The following PDZD8 variants were observed in gnomAD, a reference collection of about 807,000 sequenced individuals.
PDZD8 encodes the protein PDZ domain containing 8.
In PDZD8, 14 loss-of-function variants were observed where a neutral mutation model predicts 85.8. The observed-to-expected ratio is 0.16, with a 90% CI of 0.11 to 0.26. The LOEUF is 0.26. Among genes scored for constraint, PDZD8 ranks in the 10% least tolerant of loss-of-function variants. PDZD8 has a pLI of 1.00. For missense variants in PDZD8, 1,197 were observed against 1,424.3 expected (o/e 0.84, Z 2.57); for synonymous variants, 592 against 568.6 (o/e 1.04, Z -0.59).
chr10:117,313,744 CAACT>C (rs1359668435), intron 3 of PDZD8, among the ~76,000 whole-genome samples: 1 of 110,852 alleles, frequency 9.0e-6, no homozygotes, highest in Non-Finnish European at 2.0e-5. Context: ...TTTTTTCTCC[CAACT>C]GATTACTTTT....
In PDZD8 at chr10:117,279,690, T is replaced by C. The variant is rs1844550858; in HGVS notation, c.*3578A>G. The C allele has an allele frequency of 6.6e-6, 1 of 152,218 alleles. No individual in the cohort carries two copies. Among genetic ancestry groups the C allele is most frequent in the Non-Finnish European group, 1.5e-5 (1 of 68,040 alleles). 9.4% of individuals were successfully genotyped at this position (152,218 alleles called of 1,614,324 possible). ...CCATCTATAAACATTGTTGTCCTGA[T>C]GGTTGTCAACAAATAACCATATCTG... On this transcript the variant is annotated 3_prime_UTR_variant, in exon 5 of 5. Transcript: ENST00000334464.
chr10:117,331,003 G>A (rs569483826), intron 2 of PDZD8, among the ~76,000 whole-genome samples: 1 of 152,156 alleles, frequency 6.6e-6, no homozygotes, highest in African/African-American at 2.4e-5. Context: ...CTTTTTCCTT[G>A]CACTAAGTTT....
intron 3 of PDZD8, among the ~76,000 whole-genome samples, chr10:117,305,336 C>CG (rs1843916816): frequency 6.6e-6 from 1 of 151,874 alleles, no homozygotes; most frequent in Admixed American, 6.6e-5. Context: ...TGCTTGAATC[C>CG]GGGAGGCAAG....
At chr10:117,322,684 A>G (rs552954848) in intron 2 of PDZD8, among the ~76,000 whole-genome samples, 138 of 151,934 alleles carry the variant, frequency 9.1e-4, no homozygotes, top group African/African-American at 3.3e-3. Context: ...TGGGAAAATC[A>G]TTGGCTAGGT....
intron 1 of PDZD8, among the ~76,000 whole-genome samples, chr10:117,370,038 C>T (rs7907243): frequency 0.018 from 2,755 of 152,030 alleles, 97 homozygotes; most frequent in African/African-American, 0.064. Flanking sequence ...GAATTATCCA[C>T]GTAGTAAAAG....
At chr10:117,338,037 T>C (rs1844547488) in intron 2 of PDZD8, among the ~76,000 whole-genome samples, 1 of 152,160 alleles carries the variant, frequency 6.6e-6, no homozygotes, top group Non-Finnish European at 1.5e-5. Context: ...AGATTAACTA[T>C]TGAAATAAAA....
chr10:117,374,303 C>T lies in PDZD8; in HGVS notation c.872+53G>A, dbSNP rs1845247741. The T allele has an allele frequency of 1.3e-5, 20 of 1,590,962 alleles. No individual in the cohort carries two copies. The South Asian group carries it at 1.7e-4, about 14-fold the overall frequency. ...GCCCTTCCCAATCCACGCAGCGTCC[C>T]GCCCAGGCCCGGGTTCCCGGCAGCC... On this transcript the variant is annotated intron_variant, in intron 1 of 4. Transcript: ENST00000334464. The surrounding 1 kb of genome is among the most constrained non-coding windows in gnomAD (Gnocchi z 7.8).
intron 1 of PDZD8, among the ~76,000 whole-genome samples, chr10:117,350,752 A>G (rs1589585746): frequency 1.3e-5 from 2 of 151,890 alleles, no homozygotes; most frequent in South Asian, 2.1e-4. Flanking sequence ...AAATACAAAA[A>G]AATTAGCTGG....
chr10:117,320,767 G>A (rs2100101120), intron 2 of PDZD8, among the ~76,000 whole-genome samples: 1 of 152,056 alleles, frequency 6.6e-6, no homozygotes, highest in Non-Finnish European at 1.5e-5. Flanking sequence ...ACAAGTATTT[G>A]ATAAGGGCCT....
Position 117,322,812 on chromosome 10 carries a change from C to T in PDZD8, c.996-3838G>A, listed in dbSNP as rs1844248659. Among the ~76,000 whole-genome samples the T allele has an allele frequency of 2.0e-5, 3 of 152,078 alleles. No homozygotes were observed. In the South Asian group the frequency reaches 6.2e-4, roughly 32 times the overall value. ...ATAAGACTACCATGAGAAGATAAGC[C>T]TGGTCAGGGAATGGGTCAGTTAACA... On this transcript the variant is annotated intron_variant, in intron 2 of 4. Coordinates refer to ENST00000334464, the MANE Select transcript of PDZD8 (RefSeq NM_173791.5).
chr10:117,338,582 G>A (rs919093082), intron 2 of PDZD8, among the ~76,000 whole-genome samples: 1 of 152,074 alleles, frequency 6.6e-6, no homozygotes, highest in African/African-American at 2.4e-5. Context: ...CTTGACCCCT[G>A]TCCATCATCA....
At chr10:117,291,858 A>T (rs1386092628) in intron 3 of PDZD8, among the ~76,000 whole-genome samples, 1 of 8,662 alleles carries the variant, frequency 1.2e-4, no homozygotes, top group African/African-American at 2.3e-4. Context: ...CAACTGATTT[A>T]AAAAAAAAAA....
At chr10:117,367,202 G>A (rs928251689) in intron 1 of PDZD8, among the ~76,000 whole-genome samples, 5 of 152,164 alleles carry the variant, frequency 3.3e-5, no homozygotes, top group African/African-American at 9.7e-5. Flanking sequence ...CTAGAATCCA[G>A]GAGTTGGAGA....
At chr10:117,334,861 C>G (rs1296761476) in intron 2 of PDZD8, among the ~76,000 whole-genome samples, 1 of 151,326 alleles carries the variant, frequency 6.6e-6, no homozygotes, top group Non-Finnish European at 1.5e-5. Flanking sequence ...AAGAAACAAA[C>G]AAATAAACAA....
At chr10:117,324,328 T>C (rs776937286) in intron 2 of PDZD8, among the ~76,000 whole-genome samples, 1 of 151,396 alleles carries the variant, frequency 6.6e-6, no homozygotes, top group Non-Finnish European at 1.5e-5. Flanking sequence ...GACTTCCAAA[T>C]TATTCCAAAA....
intron 1 of PDZD8, among the ~76,000 whole-genome samples, chr10:117,345,686 AG>A (rs1844693235): frequency 6.6e-6 from 1 of 152,144 alleles, no homozygotes; most frequent in Non-Finnish European, 1.5e-5. Flanking sequence ...CAAAAAACAA[AG>A]AAAAAACAAA....
chr10:117,348,651 A>C (rs926108112), intron 1 of PDZD8, among the ~76,000 whole-genome samples: 1 of 152,180 alleles, frequency 6.6e-6, no homozygotes, highest in African/African-American at 2.4e-5. Flanking sequence ...CCCTCTTCTT[A>C]TAAGGAAACC....
chr10:117,334,847 T>C (rs1204291657), intron 2 of PDZD8, among the ~76,000 whole-genome samples: 2 of 151,712 alleles, frequency 1.3e-5, no homozygotes, highest in African/African-American at 4.8e-5. Context: ...AGAAAAAGAA[T>C]TTAAAGAAAC....
intron 3 of PDZD8, among the ~76,000 whole-genome samples, chr10:117,294,416 T>G (rs1329356189): frequency 6.6e-6 from 1 of 152,084 alleles, no homozygotes; most frequent in Non-Finnish European, 1.5e-5. Flanking sequence ...GAAAGTAGAT[T>G]AGTTACAGCT....
Sources: gnomAD v4.1 joint callset for allele counts (sites outside exome capture counted in the v4.1 genomes callset) on GRCh38, gnomAD v4.1.1 for gene constraint, Gnocchi (gnomAD v3.1) non-coding constraint, MANE v1.5 for transcripts, NCBI Gene and HGNC (gene_info 2026-07-23, HGNC 2026-07-21) for gene names.